Variants in CRHR1 observed in about 807,000 individuals in gnomAD.
CRHR1 encodes the protein corticotropin-releasing hormone receptor 1.
Under a neutral mutation model 56.0 loss-of-function variants are expected in CRHR1, and 28 were observed. That is an observed-to-expected ratio of 0.50 (90% CI 0.37 to 0.69). The LOEUF (loss-of-function observed/expected upper bound fraction) is 0.69, where lower values mean the gene tolerates loss of function less well. CRHR1 is among the 30% of genes least tolerant of loss of function. The probability of loss-of-function intolerance (pLI) is 0.00; values close to 1 mark genes in which losing one functional copy is unlikely to be tolerated. For missense variants in CRHR1, 376 were observed against 548.0 expected (o/e 0.69, Z 3.13); for synonymous variants, 195 against 216.5 (o/e 0.90, Z 0.87).
chr17:45,831,587 A>C (rs1356953849), intron 8 of CRHR1, among the ~76,000 whole-genome samples: 2 of 152,194 alleles, frequency 1.3e-5, no homozygotes, highest in African/African-American at 4.8e-5. Context: ...TTGGAAAAGT[A>C]CCAATGCCCA....
At chr17:45,807,178 A>G (rs896249996) in intron 2 of CRHR1, 81 bp downstream of exon 2, 38 of 1,296,024 alleles carry the variant, frequency 2.9e-5, no homozygotes, top group Non-Finnish European at 4.1e-5. Flanking sequence ...GCCTGCACAC[A>G]GAACCATGCC....
intron 4 of CRHR1, among the ~76,000 whole-genome samples, chr17:45,825,133 C>T (rs997986472): frequency 6.6e-6 from 1 of 152,210 alleles, no homozygotes; most frequent in Non-Finnish European, 1.5e-5. Context: ...TGGGCCTGGG[C>T]TAAGCCCTAA....
chr17:45,814,555 A>T (rs1415840888), intron 2 of CRHR1, among the ~76,000 whole-genome samples: 1 of 152,228 alleles, frequency 6.6e-6, no homozygotes, highest in Non-Finnish European at 1.5e-5. Context: ...GATCAAACGA[A>T]ATAGATGAAG....
intron 1 of CRHR1, among the ~76,000 whole-genome samples, chr17:45,805,728 C>T (rs2061707471): frequency 2.0e-5 from 3 of 152,276 alleles, no homozygotes; most frequent in Admixed American, 2.0e-4. Flanking sequence ...TCCCCACAGC[C>T]AGAGGGGAGG....
intron 1 of CRHR1, among the ~76,000 whole-genome samples, chr17:45,803,146 T>TG (rs1030655516): frequency 2.0e-5 from 3 of 150,774 alleles, no homozygotes; most frequent in Non-Finnish European, 3.0e-5. Flanking sequence ...TGACCAGGGG[T>TG]GGGGGGTGGC....
At chr17:45,797,271 T>TTTTC (rs1203108640) in intron 1 of CRHR1, among the ~76,000 whole-genome samples, 2 of 150,670 alleles carry the variant, frequency 1.3e-5, no homozygotes, top group African/African-American at 2.5e-5. Flanking sequence ...TGTTTTTTCT[T>TTTTC]TTTCTTTCTT....
intron 2 of CRHR1, among the ~76,000 whole-genome samples, chr17:45,807,912 G>A (rs1336792538): frequency 6.6e-6 from 1 of 152,160 alleles, no homozygotes; most frequent in African/African-American, 2.4e-5. Flanking sequence ...CAGTGACTGG[G>A]ACCCAAATCT....
intron 3 of CRHR1, 66 bp from the exon 4 acceptor site, chr17:45,821,288 TG>T: frequency 7.0e-7 from 1 of 1,421,480 alleles, no homozygotes; most frequent in Non-Finnish European, 9.9e-7. Flanking sequence ...CGCATCCATC[TG>T]GGCCAGGATG....
chr17:45,814,321 C>T (rs571571189), intron 2 of CRHR1, among the ~76,000 whole-genome samples: 10 of 152,326 alleles, frequency 6.6e-5, no homozygotes, highest in African/African-American at 1.2e-4. Context: ...CCTCAACAAA[C>T]GCTGCTCCCT....
intron 3 of CRHR1, among the ~76,000 whole-genome samples, chr17:45,819,938 A>C (rs570374948): frequency 6.6e-5 from 10 of 152,286 alleles, no homozygotes; most frequent in Admixed American, 4.6e-4. Context: ...GGCAGCTCCC[A>C]GGCTGGATGG....
At chr17:45,807,751 A>G (rs1290822476) in intron 2 of CRHR1, among the ~76,000 whole-genome samples, 1 of 152,214 alleles carries the variant, frequency 6.6e-6, no homozygotes, top group Admixed American at 6.5e-5. Flanking sequence ...TATTATTAAT[A>G]TCTGTGTCAC....
chr17:45,835,519 G>A lies in CRHR1; in HGVS notation c.*755G>A. ...TTGTGAGAAGATGGGGGCTGGAGGG[G>A]GCAGAGTGGCCTGTGAGCAAGAGCC... is the stretch of plus-strand genomic sequence containing the variant. On this transcript the variant is annotated 3_prime_UTR_variant, in exon 13 of 13. Transcript: ENST00000314537. The A allele has an allele frequency of 6.6e-6, 1 of 152,630 alleles. No homozygotes were observed. The allele number at this position is 152,630 out of a possible 1,614,324, so 9.5% of individuals were successfully genotyped here.
At chr17:45,816,745 T>C (rs28364028) in intron 3 of CRHR1, among the ~76,000 whole-genome samples, 163 bp downstream of exon 3, 1 of 152,224 alleles carries the variant, frequency 6.6e-6, no homozygotes, top group Non-Finnish European at 1.5e-5. Flanking sequence ...CTGGGTGCCC[T>C]GTGCTCATTA....
chr17:45,790,771 A>G (rs991518021), intron 1 of CRHR1, among the ~76,000 whole-genome samples: 5 of 152,198 alleles, frequency 3.3e-5, no homozygotes, highest in African/African-American at 1.2e-4. Flanking sequence ...TCGTGGCTGC[A>G]GAACCAGGGA....
Position 45,830,148 on chromosome 17 carries a change from C to T in CRHR1, c.489C>T (p.Ile163=). ...IIHWNLISAF[I]LRNATWFVVQ... is the part of the protein sequence containing the mutation. Reference sequence around the variant, plus strand: ...ACTGGAACCTCATCTCCGCCTTCATCCTGCGCAACGCCACCTGGTTCGTGG... The same window carrying T: ...ACTGGAACCTCATCTCCGCCTTCATTCTGCGCAACGCCACCTGGTTCGTGG... Residue 163 remains isoleucine, a synonymous_variant, in exon 6 of 13, where the codon ATC becomes ATT. Transcript: ENST00000314537. 1.2e-6 allele frequency: 2 copies of T among 1,614,156 alleles called. No individual in the cohort carries two copies. Among genetic ancestry groups the T allele is most frequent in the South Asian group, 1.1e-5 (1 of 91,086 alleles).
At chr17:45,814,859 A>G (rs752554238) in intron 2 of CRHR1, among the ~76,000 whole-genome samples, 2 of 152,258 alleles carry the variant, frequency 1.3e-5, no homozygotes, top group Non-Finnish European at 2.9e-5. Context: ...TTAAGCCCCA[A>G]TCCAGATTTC....
At chr17:45,822,269 C>T (rs942944075) in intron 4 of CRHR1, among the ~76,000 whole-genome samples, 4 of 152,218 alleles carry the variant, frequency 2.6e-5, no homozygotes, top group African/African-American at 9.6e-5. Flanking sequence ...TCTTTATTCT[C>T]AGTCTTTAGT....
chr17:45,834,788 C>T lies in CRHR1; in HGVS notation c.*24C>T. 6.2e-7 allele frequency: 1 copy of T among 1,613,186 alleles called. No individual in the cohort carries two copies. Among genetic ancestry groups the T allele is most frequent in the Non-Finnish European group, 8.5e-7 (1 of 1,179,826 alleles). On this transcript the variant is annotated 3_prime_UTR_variant, in exon 13 of 13. Transcript: ENST00000314537. ...GAGCTGGCAGGTCATGGAGCAGCCC[C>T]CAAAGAGCTGTGGCTGGGGGGATGA...
intron 2 of CRHR1, among the ~76,000 whole-genome samples, chr17:45,807,448 G>A (rs1467795154): frequency 6.6e-6 from 1 of 152,252 alleles, no homozygotes; most frequent in Non-Finnish European, 1.5e-5. Flanking sequence ...GAGGCATCAA[G>A]GGACGGAGGA....
Sources: gnomAD v4.1 joint callset for allele counts (sites outside exome capture counted in the v4.1 genomes callset) on GRCh38, gnomAD v4.1.1 for gene constraint, MANE v1.5 for transcripts, NCBI Gene and HGNC (gene_info 2026-07-23, HGNC 2026-07-21) for gene names.